NFAT5: variants seen among roughly 807,000 people sequenced by gnomAD.
NFAT5 encodes nuclear factor of activated T-cells 5.
Under a neutral mutation model 166.5 loss-of-function variants are expected in NFAT5, and 31 were observed. The observed-to-expected ratio is 0.19, with a 90% CI of 0.14 to 0.25. The LOEUF (loss-of-function observed/expected upper bound fraction) is 0.25. Ranked by LOEUF, NFAT5 falls within the 10% of genes least tolerant of loss-of-function variation. The pLI, the probability that NFAT5 is intolerant of heterozygous loss-of-function variation, is 1.00. For synonymous variants in NFAT5, 612 were observed against 639.7 expected (o/e 0.96, Z 0.65); for missense variants, 1,449 against 1,821.8 (o/e 0.80, Z 3.72).
intron 3 of NFAT5, chr16:69,632,366 T>G (rs564475118): frequency 6.6e-5 from 10 of 152,312 alleles, no homozygotes; most frequent in Admixed American, 3.3e-4. Flanking sequence ...TTCTTTTACC[T>G]AGTTCTTACT....
At chr16:69,584,904 G>GTA (rs887575169) in intron 2 of NFAT5, among the ~76,000 whole-genome samples, 3 of 151,964 alleles carry the variant, frequency 2.0e-5, no homozygotes, top group African/African-American at 2.4e-5. Context: ...AATAAAATAT[G>GTA]TATATATATA....
intron 6 of NFAT5, 115 bp downstream of exon 6, chr16:69,655,914 T>C (rs1241191760): frequency 1.4e-6 from 1 of 719,644 alleles, no homozygotes; most frequent in Non-Finnish European, 2.1e-6. Context: ...GTTTTAAATA[T>C]TATGAATAAA....
intron 14 of NFAT5, 167 bp downstream of exon 14, chr16:69,695,546 T>C: frequency 1.6e-6 from 1 of 611,104 alleles, no homozygotes; most frequent in Non-Finnish European, 2.9e-6. Context: ...TATGGTCATA[T>C]AGTTAATACA....
At chr16:69,640,972 A>G (rs2035179878) in intron 3 of NFAT5, among the ~76,000 whole-genome samples, 1 of 142,502 alleles carries the variant, frequency 7.0e-6, no homozygotes, top group Non-Finnish European at 1.5e-5. Flanking sequence ...CAGGAGCGAA[A>G]CTCCATCTCA....
chr16:69,580,139 TTAATG>T, intron 2 of NFAT5, among the ~76,000 whole-genome samples: 1 of 152,150 alleles, frequency 6.6e-6, no homozygotes, highest in South Asian at 2.1e-4. Flanking sequence ...AATAACTATT[TTAATG>T]TAATATGTAT....
In NFAT5 at chr16:69,696,450, A is replaced by G. The variant is rs1003181087; in HGVS notation, c.*99A>G. On this transcript the variant is annotated 3_prime_UTR_variant, in exon 15 of 15. Coordinates refer to ENST00000349945, the MANE Select transcript of NFAT5 (RefSeq NM_138713.4). ...ACTTTAAAAACAAAACAAAATATAA[A>G]AAACTGTGTTTGAGTAAACTGATAG... 1.3e-5 allele frequency: 2 copies of G among 152,628 alleles called. No homozygotes were observed. The highest frequency in any genetic ancestry group is 4.8e-5 in the African/African-American group (2 of 41,440). 9.5% of individuals were successfully genotyped at this position (152,628 alleles called of 1,614,324 possible). A position where few individuals can be genotyped will look rare whatever the true frequency, so the allele number is the denominator to read the frequency against.
At chr16:69,650,679 T>A (rs2035626835) in intron 4 of NFAT5, among the ~76,000 whole-genome samples, 2 of 152,164 alleles carry the variant, frequency 1.3e-5, no homozygotes, top group African/African-American at 4.8e-5. Context: ...AAACTAAAAT[T>A]TTCCCTTTTC....
chr16:69,651,088 C>T (rs1004677212), intron 4 of NFAT5, among the ~76,000 whole-genome samples: 2 of 152,340 alleles, frequency 1.3e-5, no homozygotes, highest in Non-Finnish European at 2.9e-5. Context: ...CAAATTTACA[C>T]GAATGGCATT....
chr16:69,609,674 G>T (rs2151554115), intron 2 of NFAT5, among the ~76,000 whole-genome samples: 1 of 152,036 alleles, frequency 6.6e-6, no homozygotes, highest in East Asian at 1.9e-4. Context: ...GATCATCTTT[G>T]TGTAGAATAG....
At chr16:69,669,376 C>G (rs560920961) in intron 7 of NFAT5, among the ~76,000 whole-genome samples, 1 of 152,228 alleles carries the variant, frequency 6.6e-6, no homozygotes, top group African/African-American at 2.4e-5. Flanking sequence ...GAAACCCCGT[C>G]TCTACTAAAA....
In NFAT5 at chr16:69,692,489, A is replaced by G. The variant is rs2037586570; in HGVS notation, c.2664A>G (p.Pro888=). The change falls in exon 13 of 15, where the codon CCA becomes CCG. Residue 888 remains proline, a synonymous_variant. Coordinates refer to ENST00000349945, the MANE Select transcript of NFAT5 (RefSeq NM_138713.4). ...CTGGAAGAGCTGAAAGTGTTCATCC[A>G]CAGTCTGAAAACACGTTATCTAATC... ...LLPGRAESVH[P]QSENTLSNQQ... The G allele has an allele frequency of 1.9e-6, 3 of 1,614,216 alleles. No homozygotes were observed. Among genetic ancestry groups the G allele is most frequent in the Non-Finnish European group, 2.5e-6 (3 of 1,180,046 alleles).
Position 69,691,775 on chromosome 16 carries a change from G to A in NFAT5, c.1950G>A (p.Gln650=). Residue 650 remains glutamine (Q), a synonymous_variant, in exon 13 of 15, where the codon CAG becomes CAA. Coordinates refer to ENST00000349945, the MANE Select transcript of NFAT5 (RefSeq NM_138713.4). ...FKTTKSVGST[Q]QTLENISNIA... ...CTACAAAGTCTGTTGGATCAACTCAGCAAACATTAGAAAACATCTCAAACA... is the reference window on the plus strand; with the variant it reads ...CTACAAAGTCTGTTGGATCAACTCAACAAACATTAGAAAACATCTCAAACA... 6.2e-7 allele frequency: 1 copy of A among 1,613,678 alleles called. No individual in the cohort carries two copies. The highest frequency in any genetic ancestry group is 1.1e-5 in the South Asian group (1 of 90,970).
rs771751070 is a variant in NFAT5 at position 69,566,271 on chromosome 16, C to T, written c.-31C>T. 2.5e-6 allele frequency: 4 copies of T among 1,586,340 alleles called. No homozygotes were observed. The South Asian group carries it at 3.5e-5, about 14-fold the overall frequency. On this transcript the variant is annotated 5_prime_UTR_variant, in exon 1 of 15. Coordinates refer to ENST00000349945, the MANE Select transcript of NFAT5 (RefSeq NM_138713.4). This position sits in a 1 kb window ranked among gnomAD's most constrained non-coding sequence, Gnocchi z 5.7. ...CGCCACCGCCGCTCCCCCCCTCCCG[C>T]TGCCCTCGGGCCGGGCTGGGTCGAG...
At chr16:69,604,137 A>G (rs563895936) in intron 2 of NFAT5, among the ~76,000 whole-genome samples, 1 of 152,176 alleles carries the variant, frequency 6.6e-6, no homozygotes, top group African/African-American at 2.4e-5. Context: ...TAACTTGTCC[A>G]GGGGCACATA....
At chr16:69,677,098 T>A (rs965151064) in intron 9 of NFAT5, 105 bp from the exon 10 acceptor site, 39 of 1,074,746 alleles carry the variant, frequency 3.6e-5, no homozygotes, top group African/African-American at 3.1e-4. Context: ...CTTTTTTTTT[T>A]AATCACTTTT....
rs1380966943 is a variant in NFAT5, at chr16:69,696,974, A to G, written c.*623A>G. 1 of 152,658 alleles carries G rather than the reference A, an allele frequency of 6.6e-6. No homozygotes were observed. Among genetic ancestry groups the G allele is most frequent in the Non-Finnish European group, 1.5e-5 (1 of 68,042 alleles). The allele number at this position is 152,658 out of a possible 1,614,324, so 9.5% of individuals were successfully genotyped here. A position where few individuals can be genotyped will look rare whatever the true frequency, so the allele number is the denominator to read the frequency against. On this transcript the variant is annotated 3_prime_UTR_variant, in exon 15 of 15. Transcript: ENST00000349945. ...ATGATACACTTATAAAACTGGGAAC[A>G]GCTGGAATGCTTCTTGATTTTATTT...
In NFAT5 at chr16:69,622,711, A is replaced by G. The variant is rs373117391; in HGVS notation, c.128-3692A>G. On this transcript the variant is annotated intron_variant, in intron 2 of 14. Coordinates refer to ENST00000349945, the MANE Select transcript of NFAT5 (RefSeq NM_138713.4). ...ATAAAATCCTGATTAGTAACATGCT[A>G]TTAGTGATTGGGCTATTACTAGGAT... Among the ~76,000 whole-genome samples, 18 of 152,240 alleles carry G rather than the reference A, an allele frequency of 1.2e-4. No individual in the cohort carries two copies. In the East Asian group the frequency reaches 1.5e-3, roughly 13 times the overall value.
intron 2 of NFAT5, among the ~76,000 whole-genome samples, chr16:69,591,328 A>T (rs1429222006): frequency 6.7e-6 from 1 of 149,598 alleles, no homozygotes; most frequent in Admixed American, 6.6e-5. Flanking sequence ...GAGGATGAAG[A>T]TGAAGTGGAA....
At chr16:69,598,376 T>C (rs867941214) in intron 2 of NFAT5, among the ~76,000 whole-genome samples, 6 of 138,890 alleles carry the variant, frequency 4.3e-5, no homozygotes, top group Middle Eastern at 7.7e-3. Context: ...AGACCCTGTC[T>C]CTTTAAAAAA....
Sources: allele counts gnomAD v4.1 joint callset (sites outside exome capture counted in the v4.1 genomes callset), GRCh38; gene constraint gnomAD v4.1.1; non-coding constraint Gnocchi (gnomAD v3.1); transcripts MANE v1.5; gene names NCBI Gene and HGNC (gene_info 2026-07-23, HGNC 2026-07-21).